Variants in PDPK1 observed in about 807,000 individuals in gnomAD.
PDPK1 encodes the protein 3-phosphoinositide dependent protein kinase 1.
Under a neutral mutation model 39.8 loss-of-function variants are expected in PDPK1, and 7 were observed. The observed-to-expected ratio is 0.18, with a 90% CI of 0.10 to 0.33. The LOEUF (loss-of-function observed/expected upper bound fraction) is 0.33. PDPK1 is among the 10% of genes least tolerant of loss of function. The probability of loss-of-function intolerance (pLI) is 1.00; values close to 1 mark genes in which losing one functional copy is unlikely to be tolerated. For missense variants in PDPK1, 182 were observed against 384.7 expected (o/e 0.47, Z 4.41); for synonymous variants, 118 against 159.1 (o/e 0.74, Z 1.95).
rs985961212 is a variant in PDPK1 at position 2,602,089 on chromosome 16, T to A, written c.*4322T>A. 23 of 234,380 alleles carry A rather than the reference T, an allele frequency of 9.8e-5. No homozygotes were observed. Among genetic ancestry groups the A allele is most frequent in the Non-Finnish European group, 1.5e-4 (18 of 117,922 alleles). The allele number at this position is 234,380 out of a possible 1,614,324, so 14.5% of individuals were successfully genotyped here. A position where few individuals can be genotyped will look rare whatever the true frequency, so the allele number is the denominator to read the frequency against. Reference sequence around the variant, plus strand: ...ACCCGGGGTGGTCACTGCTGAGACTTCAGAGATCGCAGCTGCTGTGAGAAT... The same window carrying A: ...ACCCGGGGTGGTCACTGCTGAGACTACAGAGATCGCAGCTGCTGTGAGAAT... On this transcript the variant is annotated 3_prime_UTR_variant, in exon 14 of 14. Transcript: ENST00000342085.
rs1178930720 is a variant in PDPK1, at chr16:2,600,467, C to CT, written c.*2703dup. 8.7e-6 allele frequency: 2 copies of CT among 230,104 alleles called. No individual in the cohort carries two copies. Among genetic ancestry groups the CT allele is most frequent in the African/African-American group, 4.5e-5 (2 of 44,272 alleles). 14.3% of individuals were successfully genotyped at this position (230,104 alleles called of 1,614,324 possible). A position where few individuals can be genotyped will look rare whatever the true frequency, so the allele number is the denominator to read the frequency against. Reference sequence around the variant, plus strand: ...CTTCTGAGGGATTCCTTTCTCCCCTCTTTGTGTGGCCCCAGCCAGGGCGGT... The same window carrying CT: ...CTTCTGAGGGATTCCTTTCTCCCCTCTTTTGTGTGGCCCCAGCCAGGGCGGT... On this transcript the variant is annotated 3_prime_UTR_variant, in exon 14 of 14. Coordinates refer to ENST00000342085, the MANE Select transcript of PDPK1 (RefSeq NM_002613.5).
intron 7 of PDPK1, among the ~76,000 whole-genome samples, chr16:2,577,780 C>G (rs1210803204): frequency 6.7e-6 from 1 of 149,534 alleles, no homozygotes; most frequent in Non-Finnish European, 1.5e-5. Context: ...CGCTCTGTCT[C>G]CAGACTGGAG....
intron 10 of PDPK1, 62 bp from the exon 11 acceptor site, chr16:2,586,613 TG>T: frequency 1.4e-6 from 2 of 1,435,838 alleles, no homozygotes; most frequent in Non-Finnish European, 2.0e-6. Flanking sequence ...CGGGAGGGGC[TG>T]GGGTTTTAGG....
At chr16:2,546,397 G>A (rs545178183) in intron 1 of PDPK1, among the ~76,000 whole-genome samples, 329 of 151,854 alleles carry the variant, frequency 2.2e-3, no homozygotes, top group African/African-American at 6.3e-3. Context: ...GCAGTGGCGC[G>A]ATCTCGGCTC....
Position 2,602,561 on chromosome 16 carries a change from T to C in PDPK1, c.*4794T>C, listed in dbSNP as rs1488585732. On this transcript the variant is annotated 3_prime_UTR_variant, in exon 14 of 14. Coordinates refer to ENST00000342085, the MANE Select transcript of PDPK1 (RefSeq NM_002613.5). ...AACCACCTGGCAGAATGACTACGAA[T>C]AGGGGTCATTGTGCTGGTAAAAGCC... is the stretch of plus-strand genomic sequence containing the variant. The C allele has an allele frequency of 8.5e-6, 2 of 234,742 alleles. No homozygotes were observed. Among genetic ancestry groups the C allele is most frequent in the Non-Finnish European group, 1.7e-5 (2 of 118,084 alleles). The allele number at this position is 234,742 out of a possible 1,614,324, so 14.5% of individuals were successfully genotyped here.
intron 1 of PDPK1, among the ~76,000 whole-genome samples, chr16:2,544,526 G>A (rs1194080193): frequency 6.6e-6 from 1 of 152,114 alleles, no homozygotes; most frequent in Non-Finnish European, 1.5e-5. Flanking sequence ...TTTTCACCTG[G>A]ATTCTACCAG....
intron 11 of PDPK1, among the ~76,000 whole-genome samples, chr16:2,591,253 T>C (rs1252281806): frequency 6.6e-6 from 1 of 152,138 alleles, no homozygotes; most frequent in Non-Finnish European, 1.5e-5. Flanking sequence ...CAAAAGTCAT[T>C]TGATACATAG....
rs777394904 is a variant in PDPK1, at chr16:2,597,113, T to C, written c.1402-10T>C. The C allele has an allele frequency of 6.2e-5, 96 of 1,548,706 alleles. No homozygotes were observed. The highest frequency in any genetic ancestry group is 8.4e-5 in the Non-Finnish European group (96 of 1,139,818). On this transcript the variant is annotated splice_polypyrimidine_tract_variant and intron_variant, in intron 12 of 13. Transcript: ENST00000342085. This position sits in a 1 kb window ranked among gnomAD's most constrained non-coding sequence, Gnocchi z 6.3. ...CCTCTGAGGCCTGTTGTTTTGTGTTTTGGCGTCAGGGTTTATTTGCAAGAC... is the reference window on the plus strand; with the variant it reads ...CCTCTGAGGCCTGTTGTTTTGTGTTCTGGCGTCAGGGTTTATTTGCAAGAC...
chr16:2,602,299 A>G lies in PDPK1; in HGVS notation c.*4532A>G, dbSNP rs1447244541. ...CTGAGGGGCCACCACTTCTGGCCCAAAATTGCAGGGTTGTAGATGAGGCTG... is the reference window on the plus strand; with the variant it reads ...CTGAGGGGCCACCACTTCTGGCCCAGAATTGCAGGGTTGTAGATGAGGCTG... On this transcript the variant is annotated 3_prime_UTR_variant, in exon 14 of 14. Transcript: ENST00000342085. 1.3e-5 allele frequency: 3 copies of G among 234,544 alleles called. No homozygotes were observed. The highest frequency in any genetic ancestry group is 2.5e-5 in the Non-Finnish European group (3 of 118,024). 14.5% of individuals were successfully genotyped at this position (234,544 alleles called of 1,614,324 possible). A position where few individuals can be genotyped will look rare whatever the true frequency, so the allele number is the denominator to read the frequency against.
At chr16:2,588,456 G>C (rs1050356095) in intron 11 of PDPK1, among the ~76,000 whole-genome samples, 2 of 152,194 alleles carry the variant, frequency 1.3e-5, no homozygotes, top group African/African-American at 4.8e-5. Context: ...TCTCTCTGCA[G>C]ATCCCAGCTG....
chr16:2,602,103 T>C lies in PDPK1; in HGVS notation c.*4336T>C, dbSNP rs976511142. 8.5e-6 allele frequency: 2 copies of C among 234,542 alleles called. No individual in the cohort carries two copies. Among genetic ancestry groups the C allele is most frequent in the Non-Finnish European group, 1.7e-5 (2 of 117,976 alleles). 14.5% of individuals were successfully genotyped at this position (234,542 alleles called of 1,614,324 possible). On this transcript the variant is annotated 3_prime_UTR_variant, in exon 14 of 14. Transcript: ENST00000342085. ...CTGCTGAGACTTCAGAGATCGCAGCTGCTGTGAGAATACGGTGAAGGTACT... is the reference window on the plus strand; with the variant it reads ...CTGCTGAGACTTCAGAGATCGCAGCCGCTGTGAGAATACGGTGAAGGTACT...
At position 2,586,690 on chromosome 16, in the gene PDPK1, G is replaced by T. The variant is rs1271702959; in HGVS notation, c.1140G>T (p.Leu380=). 1 of 1,614,054 alleles carries T rather than the reference G, an allele frequency of 6.2e-7. No homozygotes were observed. The highest frequency in any genetic ancestry group is 8.5e-7 in the Non-Finnish European group (1 of 1,180,018). ...CTTCTCTGCAGTATGACAATCTCCT[G>T]AGCCAGTTTGGCTGCATGCAGGTGT... The part of the protein sequence containing the change: ...EDCYGNYDNL[L]SQFGCMQVSS... The change falls in exon 11 of 14, where the codon CTG becomes CTT. Residue 380 remains leucine (L), a synonymous_variant. Coordinates refer to ENST00000342085, the MANE Select transcript of PDPK1 (RefSeq NM_002613.5).
chr16:2,541,321 T>C (rs1427284792), intron 1 of PDPK1, among the ~76,000 whole-genome samples: 3 of 152,180 alleles, frequency 2.0e-5, no homozygotes, highest in Admixed American at 2.0e-4. Flanking sequence ...ACCCAGGGTT[T>C]AGATGCTCCA....
Position 2,595,165 on chromosome 16 carries a change from G to A in PDPK1, c.1344-628G>A, listed in dbSNP as rs188257945. Reference sequence around the variant, plus strand: ...TGAACTTTTAGGAATCAAAAGTGACGTGTGCTTGCTAATAATGTATATTAA... The same window carrying A: ...TGAACTTTTAGGAATCAAAAGTGACATGTGCTTGCTAATAATGTATATTAA... On this transcript the variant is annotated intron_variant, in intron 11 of 13. Transcript: ENST00000342085. Among the ~76,000 whole-genome samples the A allele has an allele frequency of 3.7e-3, 560 of 152,324 alleles. 1 individual carries two copies. The highest frequency in any genetic ancestry group is 7.9e-3 in the African/African-American group (327 of 41,566).
intron 11 of PDPK1, among the ~76,000 whole-genome samples, chr16:2,587,642 G>A (rs538292630): frequency 4.6e-5 from 7 of 152,072 alleles, no homozygotes; most frequent in Non-Finnish European, 8.8e-5. Flanking sequence ...TCAAGTAGCC[G>A]GAATTACAGG....
intron 12 of PDPK1, 58 bp downstream of exon 12, chr16:2,595,908 G>A: frequency 7.7e-7 from 1 of 1,304,338 alleles, no homozygotes; most frequent in Non-Finnish European, 1.1e-6. Flanking sequence ...CCCGACTCCA[G>A]CTTAGGGGAG....
chr16:2,539,183 G>T (rs1480273352), intron 1 of PDPK1: 1 of 166,108 alleles, frequency 6.0e-6, no homozygotes, highest in South Asian at 1.2e-4. Flanking sequence ...GGGTTCAAGC[G>T]ATTCTCCTGC....
At chr16:2,596,031 AC>A (rs2142008419) in intron 12 of PDPK1, among the ~76,000 whole-genome samples, 181 bp downstream of exon 12, 1 of 152,314 alleles carries the variant, frequency 6.6e-6, no homozygotes, top group African/African-American at 2.4e-5. Flanking sequence ...GTGGAGCCAC[AC>A]GCGTAGGCGG....
In PDPK1 at chr16:2,544,318, G is replaced by C. The variant is rs1213858600; in HGVS notation, c.24+6182G>C. On this transcript the variant is annotated intron_variant, in intron 1 of 13. Transcript: ENST00000342085. ...GAGGGAGGTTCCCACAGAAATATTA[G>C]CAGTGGTTTCCTGGGCCAGTGGGAT... 2.0e-5 allele frequency among the ~76,000 whole-genome samples: 3 copies of C among 152,146 alleles called. No individual in the cohort carries two copies. The East Asian group carries it at 5.8e-4, about 29-fold the overall frequency.
Sources: allele counts gnomAD v4.1 joint callset (sites outside exome capture counted in the v4.1 genomes callset), GRCh38; gene constraint gnomAD v4.1.1; non-coding constraint Gnocchi (gnomAD v3.1); transcripts MANE v1.5; gene names NCBI Gene and HGNC (gene_info 2026-07-23, HGNC 2026-07-21).